Variants in SRGAP2C observed in about 807,000 individuals in gnomAD.
SRGAP2C encodes the protein SLIT-ROBO Rho GTPase-activating protein 2C.
A neutral mutation model predicts 25.1 loss-of-function variants in SRGAP2C; 15 were observed. The observed-to-expected ratio is 0.60, with a 90% CI of 0.40 to 0.92. The LOEUF (loss-of-function observed/expected upper bound fraction) is 0.92. Among genes scored for constraint, SRGAP2C ranks in the 40% least tolerant of loss-of-function variants. SRGAP2C has a pLI of 0.00. For synonymous variants in SRGAP2C, 44 were observed against 96.6 expected (o/e 0.46, Z 3.19); for missense variants, 144 against 264.4 (o/e 0.54, Z 3.16).
At chr1:121,343,071 A>G (rs1440667204) in intron 4 of SRGAP2C, among the ~76,000 whole-genome samples, 1 of 151,680 alleles carries the variant, frequency 6.6e-6, no homozygotes, top group Non-Finnish European at 1.5e-5. Context: ...ATAACTGTTC[A>G]TTAGACTCAT....
At chr1:121,315,171 G>C (rs1553340477) in intron 3 of SRGAP2C, 20 of 399,976 alleles carry the variant, frequency 5.0e-5, no homozygotes, top group Non-Finnish European at 7.6e-5. Context: ...TTAAGAGACA[G>C]GTCCTATGTT....
At chr1:121,211,410 T>C (rs1214478082) in intron 2 of SRGAP2C, among the ~76,000 whole-genome samples, 43 of 103,308 alleles carry the variant, frequency 4.2e-4, no homozygotes, top group African/African-American at 1.5e-3. Flanking sequence ...GATATATATA[T>C]ACACATACAC....
intron 5 of SRGAP2C, among the ~76,000 whole-genome samples, chr1:121,372,239 C>G (rs1260278392): frequency 1.3e-5 from 2 of 152,116 alleles, no homozygotes; most frequent in African/African-American, 4.8e-5. Flanking sequence ...TCTAGCTGAT[C>G]GTAGGGCCTA....
intron 3 of SRGAP2C, among the ~76,000 whole-genome samples, chr1:121,312,321 C>T (rs1450121299): frequency 1.9e-5 from 1 of 53,718 alleles, no homozygotes; most frequent in African/African-American, 6.8e-5. Context: ...CTCTTTTTTT[C>T]TTTATTAGTC....
At chr1:121,263,029 A>G (rs587656653) in intron 2 of SRGAP2C, among the ~76,000 whole-genome samples, 1 of 152,090 alleles carries the variant, frequency 6.6e-6, no homozygotes, top group East Asian at 1.9e-4. Flanking sequence ...TTTTTTTATC[A>G]TATCTTTAAA....
chr1:121,324,799 AC>A (rs1558117641), intron 4 of SRGAP2C, among the ~76,000 whole-genome samples, 159 bp downstream of exon 4: 1 of 147,228 alleles, frequency 6.8e-6, no homozygotes, highest in Non-Finnish European at 1.5e-5. Flanking sequence ...TTGCACATAT[AC>A]CCCCCTTGAA....
chr1:121,329,942 C>A (rs1658397937), intron 4 of SRGAP2C, among the ~76,000 whole-genome samples: 1 of 151,372 alleles, frequency 6.6e-6, no homozygotes, highest in Non-Finnish European at 1.5e-5. Context: ...TCTGTTGGAA[C>A]CAGGGTTTGG....
intron 2 of SRGAP2C, among the ~76,000 whole-genome samples, chr1:121,206,325 C>A (rs1655107701): frequency 1.3e-5 from 2 of 152,086 alleles, no homozygotes; most frequent in Admixed American, 1.3e-4. Flanking sequence ...GTGGTAGGCA[C>A]CCAATAAATG....
chr1:121,289,422 C>A (rs1399436281), intron 3 of SRGAP2C, among the ~76,000 whole-genome samples: 368 of 152,012 alleles, frequency 2.4e-3, no homozygotes, highest in Non-Finnish European at 3.9e-3. Flanking sequence ...CAAGCCCACG[C>A]CCACCCGGAA....
At chr1:121,314,444 T>C (rs1658047105) in intron 3 of SRGAP2C, among the ~76,000 whole-genome samples, 1 of 152,236 alleles carries the variant, frequency 6.6e-6, no homozygotes, top group African/African-American at 2.4e-5. Flanking sequence ...TCATTCTCCA[T>C]CCATCTTTGT....
chr1:121,186,313 C>T lies in SRGAP2C; in HGVS notation c.-542-592C>T, dbSNP rs1380681819. 2.4e-5 allele frequency among the ~76,000 whole-genome samples: 2 copies of T among 84,868 alleles called. 1 individual carries two copies. The highest frequency in any genetic ancestry group is 5.0e-5 in the Non-Finnish European group (2 of 40,004). The allele number at this position is 84,868 out of a possible 152,430, so 55.7% of individuals were successfully genotyped here. On this transcript the variant is annotated intron_variant, in intron 1 of 9. Transcript: ENST00000367123. ...CCGACCCTATCCTCTAACCCGTTTC[C>T]TGCTTCAGCTGACCACATTGTTTTC... is the stretch of plus-strand genomic sequence containing the variant.
At chr1:121,273,975 T>C (rs1657041359) in intron 2 of SRGAP2C, among the ~76,000 whole-genome samples, 1 of 151,312 alleles carries the variant, frequency 6.6e-6, no homozygotes, top group African/African-American at 2.4e-5. Context: ...GGGCAGACTG[T>C]TTCAGCCAGC....
rs1325820141 is a variant in SRGAP2C at position 121,392,183 on chromosome 1, T to G, written c.*4328T>G. 1.3e-5 allele frequency: 2 copies of G among 152,230 alleles called. No individual in the cohort carries two copies. Among genetic ancestry groups the G allele is most frequent in the Non-Finnish European group, 2.9e-5 (2 of 68,042 alleles). The allele number at this position is 152,230 out of a possible 1,614,324, so 9.4% of individuals were successfully genotyped here. A position where few individuals can be genotyped will look rare whatever the true frequency, so the allele number is the denominator to read the frequency against. On this transcript the variant is annotated 3_prime_UTR_variant, in exon 10 of 10. Coordinates refer to ENST00000367123, the MANE Select transcript of SRGAP2C (RefSeq NM_001329984.2). ...AAAATAAACAATGAGCAGAGACTAATGAATTTGTGGGACATCATCAAATAG... is the reference window on the plus strand; with the variant it reads ...AAAATAAACAATGAGCAGAGACTAAGGAATTTGTGGGACATCATCAAATAG...
chr1:121,370,379 C>T (rs1659448454), intron 5 of SRGAP2C, among the ~76,000 whole-genome samples: 1 of 145,896 alleles, frequency 6.9e-6, no homozygotes, highest in Admixed American at 6.8e-5. Context: ...ATAAACCTCT[C>T]ATCTAGTCTT....
chr1:121,304,076 T>C, intron 3 of SRGAP2C, among the ~76,000 whole-genome samples: 1 of 151,694 alleles, frequency 6.6e-6, no homozygotes, highest in East Asian at 1.9e-4. Flanking sequence ...CCGGGCATGG[T>C]GGCAGGCACA....
chr1:121,308,056 C>A (rs1396720365), intron 3 of SRGAP2C, among the ~76,000 whole-genome samples: 9 of 151,782 alleles, frequency 5.9e-5, no homozygotes, highest in African/African-American at 1.9e-4. Context: ...CTTGGTATTC[C>A]TGTTATGTGT....
chr1:121,328,912 A>G (rs1658374886), intron 4 of SRGAP2C, among the ~76,000 whole-genome samples: 1 of 142,282 alleles, frequency 7.0e-6, no homozygotes, highest in African/African-American at 2.6e-5. Context: ...AAAACAAAAA[A>G]CAAAAAACAA....
intron 3 of SRGAP2C, among the ~76,000 whole-genome samples, chr1:121,289,305 A>G (rs1284859229): frequency 6.8e-6 from 1 of 147,062 alleles, no homozygotes; most frequent in East Asian, 2.2e-4. Context: ...ATGGTCCGGC[A>G]CTGCTGGGGG....
intron 2 of SRGAP2C, among the ~76,000 whole-genome samples, chr1:121,259,488 A>G (rs1408844108): frequency 8.5e-6 from 1 of 116,982 alleles, no homozygotes; most frequent in Non-Finnish European, 1.8e-5. Flanking sequence ...AAAAAAAAAA[A>G]GAGAAGAAAA....
Sources: gnomAD v4.1 joint callset for allele counts (sites outside exome capture counted in the v4.1 genomes callset) on GRCh38, gnomAD v4.1.1 for gene constraint, MANE v1.5 for transcripts, NCBI Gene and HGNC (gene_info 2026-07-23, HGNC 2026-07-21) for gene names.